ANK2: variants seen among roughly 807,000 people sequenced by gnomAD.
ANK2 encodes ankyrin 2.
Under a neutral mutation model 360.5 loss-of-function variants are expected in ANK2, and 83 were observed. That is an observed-to-expected ratio of 0.23 (90% CI 0.19 to 0.28). The LOEUF is 0.28. ANK2 is among the 10% of genes least tolerant of loss of function. ANK2 has a pLI of 1.00. For missense variants in ANK2, 4,201 were observed against 4,795.7 expected (o/e 0.88, Z 3.66); for synonymous variants, 1,740 against 1,759.5 (o/e 0.99, Z 0.28).
chr4:112,741,054 T>A, the ANK2 span, among the ~76,000 whole-genome samples: 1 of 151,856 alleles, frequency 6.6e-6, no homozygotes, highest in Admixed American at 6.6e-5. Flanking sequence ...GGTCTCTAAC[T>A]CCTTGCCTAA....
At chr4:113,258,522 C>T (rs2050768853) in intron 13 of ANK2, 111 bp downstream of exon 13, 3 of 1,023,344 alleles carry the variant, frequency 2.9e-6, no homozygotes, top group Non-Finnish European at 3.1e-6. Context: ...AGCAACCAAG[C>T]TTTGAGAAGG....
At chr4:113,182,841 A>C (rs2098444510) in intron 2 of ANK2, among the ~76,000 whole-genome samples, 1 of 152,216 alleles carries the variant, frequency 6.6e-6, no homozygotes, top group Admixed American at 6.5e-5. Flanking sequence ...AAAGAAGAGA[A>C]TAAGAAAAGT....
At chr4:113,016,002 A>G (rs1328313110) in intron 2 of ANK2, among the ~76,000 whole-genome samples, 4 of 152,122 alleles carry the variant, frequency 2.6e-5, no homozygotes, top group African/African-American at 4.8e-5. Flanking sequence ...ATCAGAGAAA[A>G]TTCTCATATG....
At chr4:113,259,266 TA>T (rs1411931912) in intron 13 of ANK2, among the ~76,000 whole-genome samples, 4 of 152,206 alleles carry the variant, frequency 2.6e-5, no homozygotes, top group Non-Finnish European at 5.9e-5. Context: ...GAAGGTCTAG[TA>T]GAGTATTGAG....
At chr4:113,159,544 A>G (rs1388784707) in intron 1 of ANK2, among the ~76,000 whole-genome samples, 1 of 152,076 alleles carries the variant, frequency 6.6e-6, no homozygotes, top group Non-Finnish European at 1.5e-5. Context: ...AAGCTTATAT[A>G]TTGCTTCACA....
rs1007763847 is a variant in ANK2 at position 113,307,683 on chromosome 4, G to A, written c.2549-3572G>A. On this transcript the variant is annotated intron_variant, in intron 23 of 45. Coordinates refer to ENST00000357077, the MANE Select transcript of ANK2 (RefSeq NM_001148.6). ...CTGCCAAAGTGCTGGGATTACAGGC[G>A]TGAGTCACCACGCCCGGCCGCCGTT... Among the ~76,000 whole-genome samples, 6 of 152,256 alleles carry A rather than the reference G, an allele frequency of 3.9e-5. No individual in the cohort carries two copies. The East Asian group carries it at 7.7e-4, about 20-fold the overall frequency.
chr4:113,100,854 G>A (rs183181524), intron 1 of ANK2, among the ~76,000 whole-genome samples: 1 of 152,272 alleles, frequency 6.6e-6, no homozygotes, highest in East Asian at 1.9e-4. Context: ...ATGGCTAAGT[G>A]AAGAAACAAG....
intron 43 of ANK2, among the ~76,000 whole-genome samples, chr4:113,372,368 G>A (rs1476770244): frequency 1.3e-5 from 2 of 152,038 alleles, no homozygotes; most frequent in Non-Finnish European, 2.9e-5. Flanking sequence ...CTCTATTTTT[G>A]TTGATGTCTG....
In ANK2 at chr4:113,358,831, G is replaced by A. The variant is rs1381965565; in HGVS notation, c.10213G>A (p.Val3405Ile). ...SSLDSKTKCP[V>I]KTRSYTETET... ...TTTGGATTCAAAGACCAAATGCCCA[G>A]TAAAAACCCGAAGTTACACTGAGAC... Residue 3405 changes from valine to isoleucine, a missense_variant, in exon 38 of 46, where the codon GTA becomes ATA. Around this residue, in one of 4 missense-constraint regions of ANK2, gnomAD observed 2,642 missense variants for 2,714.5 expected, o/e 0.97. Transcript: ENST00000357077. The A allele has an allele frequency of 1.2e-6, 2 of 1,613,958 alleles. No homozygotes were observed. Among genetic ancestry groups the A allele is most frequent in the Non-Finnish European group, 8.5e-7 (1 of 1,179,964 alleles).
At chr4:112,823,166 A>G (rs1266311476) in intron 1 of ANK2, among the ~76,000 whole-genome samples, 2 of 152,264 alleles carry the variant, frequency 1.3e-5, no homozygotes, top group Non-Finnish European at 2.9e-5. Context: ...ATTTTTGGAA[A>G]TCTCAAATTC....
rs2043858530 is a variant in ANK2, at chr4:113,247,810, A to C, written c.892-1954A>C. 2.0e-5 allele frequency among the ~76,000 whole-genome samples: 3 copies of C among 152,190 alleles called. 1 individual carries two copies. The highest frequency in any genetic ancestry group is 2.0e-4 in the Admixed American group (3 of 15,286). On this transcript the variant is annotated intron_variant, in intron 9 of 45. Coordinates refer to ENST00000357077, the MANE Select transcript of ANK2 (RefSeq NM_001148.6). ...ATGATGTCTCTGTTCACCATGTGGG[A>C]TTTCTCAAACCCTAGGTCTCCACAA...
At chr4:112,897,573 A>C (rs987926031) in intron 1 of ANK2, among the ~76,000 whole-genome samples, 3 of 152,218 alleles carry the variant, frequency 2.0e-5, no homozygotes, top group Non-Finnish European at 4.4e-5. Flanking sequence ...GGATTAAAAC[A>C]GATAATCTTT....
chr4:113,335,817 G>C (rs2153957266), intron 29 of ANK2, 29 bp from the exon 30 acceptor site: 1 of 1,595,784 alleles, frequency 6.3e-7, no homozygotes, highest in Non-Finnish European at 8.6e-7. Context: ...TTTGCTATGT[G>C]AATGAAGGTG....
chr4:113,007,098 A>T (rs1379332858), intron 2 of ANK2, among the ~76,000 whole-genome samples: 4 of 152,328 alleles, frequency 2.6e-5, no homozygotes, highest in African/African-American at 9.6e-5. Context: ...TATATTTTTT[A>T]AAAAATCAGT....
At chr4:113,007,645 A>G (rs2053348729) in intron 2 of ANK2, among the ~76,000 whole-genome samples, 1 of 152,184 alleles carries the variant, frequency 6.6e-6, no homozygotes, top group Admixed American at 6.5e-5. Context: ...CAGTGAATAT[A>G]CATACAGAAT....
At chr4:112,788,088 C>G in the ANK2 span, 1 of 1,534,056 alleles carries the variant, frequency 6.5e-7, no homozygotes, top group Non-Finnish European at 8.9e-7. Context: ...CACATTTAAC[C>G]CAGTTTAGTG....
chr4:112,773,045 C>T, the ANK2 span, among the ~76,000 whole-genome samples: 893 of 152,140 alleles, frequency 5.9e-3, 11 homozygotes, highest in African/African-American at 0.02. Context: ...TGGTTGGATG[C>T]GGTGGCTCAT....
At chr4:112,946,263 C>T (rs1176678895) in intron 2 of ANK2, among the ~76,000 whole-genome samples, 4 of 152,090 alleles carry the variant, frequency 2.6e-5, no homozygotes, top group African/African-American at 9.7e-5. Context: ...AGTCTGCATC[C>T]CCATGCCTGC....
At chr4:112,743,652 C>T in the ANK2 span, among the ~76,000 whole-genome samples, 2 of 148,636 alleles carry the variant, frequency 1.3e-5, no homozygotes, top group Non-Finnish European at 3.0e-5. Flanking sequence ...AAGCAATTCT[C>T]CTGCCTCAGC....
Sources: allele counts gnomAD v4.1 joint callset (sites outside exome capture counted in the v4.1 genomes callset), GRCh38; gene constraint gnomAD v4.1.1; regional missense constraint gnomAD v4.1.1; transcripts MANE v1.5; gene names NCBI Gene and HGNC (gene_info 2026-07-23, HGNC 2026-07-21).